WDR49: variants seen among roughly 807,000 people sequenced by gnomAD.
WDR49 encodes the protein cilia- and flagella-associated protein 337.
A neutral mutation model predicts 119.5 loss-of-function variants in WDR49; 107 were observed. The observed-to-expected ratio is 0.90, with a 90% CI of 0.77 to 1.05. The LOEUF is 1.05. Ranked by LOEUF, WDR49 falls within the 50% of genes least tolerant of loss-of-function variation. The probability of loss-of-function intolerance (pLI) is 0.00; values close to 1 mark genes in which losing one functional copy is unlikely to be tolerated. For missense variants in WDR49, 1,240 were observed against 1,220.5 expected (o/e 1.02, Z -0.24); for synonymous variants, 425 against 418.8 (o/e 1.01, Z -0.18).
intron 18 of WDR49, among the ~76,000 whole-genome samples, chr3:167,499,736 A>C (rs547832198): frequency 4.0e-4 from 61 of 152,352 alleles, no homozygotes; most frequent in African/African-American, 1.4e-3. Context: ...TTAAGACAAT[A>C]CATTTTAAGT....
At chr3:167,612,335 A>C (rs1250972279) in intron 5 of WDR49, among the ~76,000 whole-genome samples, 3 of 152,028 alleles carry the variant, frequency 2.0e-5, no homozygotes, top group African/African-American at 7.2e-5. Flanking sequence ...AGCAGTACTA[A>C]GAGGGAAGTT....
chr3:167,601,599 A>G (rs1011199990), intron 7 of WDR49, among the ~76,000 whole-genome samples: 2 of 151,862 alleles, frequency 1.3e-5, no homozygotes, highest in African/African-American at 4.8e-5. Flanking sequence ...CTACGGCTCT[A>G]GTGCCATATT....
At position 167,627,140 on chromosome 3, in the gene WDR49, C is replaced by T; in HGVS notation, c.318G>A (p.Leu106=). The change falls in exon 3 of 19, where the codon CTG becomes CTA. Residue 106 remains leucine, a synonymous_variant. Coordinates refer to ENST00000682715, the MANE Select transcript of WDR49 (RefSeq NM_001366157.1). ...AAAGCTCTAGCAGTATAAATGAAGT[C>T]AGCTTGTCCCAATTAATGAAGCCAT... ...AQDGFINWDK[L]TSFILLELYE... 1 of 1,262,216 alleles carries T rather than the reference C, an allele frequency of 7.9e-7. No homozygotes were observed. The highest frequency in any genetic ancestry group is 1.0e-6 in the Non-Finnish European group (1 of 1,004,110). 78.2% of individuals were successfully genotyped at this position (1,262,216 alleles called of 1,614,324 possible). A position where few individuals can be genotyped will look rare whatever the true frequency, so the allele number is the denominator to read the frequency against.
At chr3:167,640,432 C>T (rs1042424966) in intron 2 of WDR49, among the ~76,000 whole-genome samples, 5 of 151,926 alleles carry the variant, frequency 3.3e-5, no homozygotes, top group African/African-American at 1.2e-4. Context: ...CATGTTCTCA[C>T]ATTGTCTCAA....
chr3:167,621,509 A>C lies in WDR49; in HGVS notation c.741T>G (p.Asp247Glu), dbSNP rs199768118. The change falls in exon 4 of 19, where the codon GAT becomes GAG. Residue 247 changes from aspartate to glutamate, a missense_variant. By Grantham distance (45) the Asp-to-Glu change is conservative. Transcript: ENST00000682715. ...CAAAAGAAAGAATTGATTCATTGGCATCAAGAGGATCATACCAATAATCCA... is the reference window on the plus strand; with the variant it reads ...CAAAAGAAAGAATTGATTCATTGGCCTCAAGAGGATCATACCAATAATCCA... The part of the protein sequence containing the change: ...ICMDYWYDPL[D>E]ANESILSFGD... 11,116 of 1,535,054 alleles carry C rather than the reference A, an allele frequency of 7.2e-3. 69 individuals carry two copies. The highest frequency in any genetic ancestry group is 8.3e-3 in the Non-Finnish European group (9,478 of 1,146,230).
At chr3:167,546,323 C>T (rs1712199560) in intron 10 of WDR49, among the ~76,000 whole-genome samples, 1 of 151,926 alleles carries the variant, frequency 6.6e-6, no homozygotes, top group Admixed American at 6.6e-5. Context: ...ACTTTCCCCT[C>T]AAAACCTAAC....
intron 5 of WDR49, among the ~76,000 whole-genome samples, chr3:167,609,284 A>C (rs1235478765): frequency 6.6e-6 from 1 of 152,202 alleles, no homozygotes; most frequent in Non-Finnish European, 1.5e-5. Context: ...TGAAAGAGGC[A>C]CTGAAGAGAT....
chr3:167,507,200 G>A (rs1751803146), intron 16 of WDR49, among the ~76,000 whole-genome samples: 1 of 152,080 alleles, frequency 6.6e-6, no homozygotes, highest in Non-Finnish European at 1.5e-5. Flanking sequence ...CCTTGAATCA[G>A]GAGAGTATTA....
At chr3:167,527,701 T>C in intron 15 of WDR49, 119 bp downstream of exon 15, 1 of 1,060,212 alleles carries the variant, frequency 9.4e-7, no homozygotes. Context: ...TCGGAAATGT[T>C]GTCAGTTCTT....
chr3:167,649,882 C>T (rs1329995283), intron 2 of WDR49, among the ~76,000 whole-genome samples: 1 of 152,186 alleles, frequency 6.6e-6, no homozygotes, highest in African/African-American at 2.4e-5. Flanking sequence ...TCTCAGCTTA[C>T]AGTCAGGCCA....
chr3:167,531,895 T>C (rs1004703026), intron 12 of WDR49, among the ~76,000 whole-genome samples: 3 of 152,124 alleles, frequency 2.0e-5, no homozygotes, highest in African/African-American at 4.8e-5. Context: ...AGAAATCTAT[T>C]GCAATGCCTT....
chr3:167,553,527 CTTGAA>C (rs1712704836), intron 10 of WDR49, among the ~76,000 whole-genome samples: 1 of 152,022 alleles, frequency 6.6e-6, no homozygotes, highest in South Asian at 2.1e-4. Context: ...CAAGTTTTGA[CTTGAA>C]TTGATTATTT....
Position 167,632,095 on chromosome 3 carries a change from G to A in WDR49, c.166-4803C>T, listed in dbSNP as rs144663708. Among the ~76,000 whole-genome samples, 538 of 152,046 alleles carry A rather than the reference G, an allele frequency of 3.5e-3. 2 individuals carry two copies. Among genetic ancestry groups the A allele is most frequent in the African/African-American group, 0.013 (521 of 41,500 alleles). On this transcript the variant is annotated intron_variant, in intron 2 of 18. Coordinates refer to ENST00000682715, the MANE Select transcript of WDR49 (RefSeq NM_001366157.1). ...ACTGCAAACTATTTCTGAAAACTAA[G>A]GCAATGTTGATTTTTATTTTAAACT...
intron 7 of WDR49, among the ~76,000 whole-genome samples, chr3:167,590,529 C>A (rs1352973788): frequency 1.3e-5 from 2 of 151,952 alleles, no homozygotes; most frequent in Non-Finnish European, 2.9e-5. Flanking sequence ...GCCCTTGGGT[C>A]CTGGGCTTTT....
Position 167,549,524 on chromosome 3 carries a change from G to A in WDR49, c.1823+5126C>T, listed in dbSNP as rs373963724. Reference sequence around the variant, plus strand: ...AAGTGTCTATTCATATCCTTCACCCGCTTTTTCCTGGGGTTATTTGATTTT... The same window carrying A: ...AAGTGTCTATTCATATCCTTCACCCACTTTTTCCTGGGGTTATTTGATTTT... On this transcript the variant is annotated intron_variant, in intron 10 of 18. Transcript: ENST00000682715. 7.6e-4 allele frequency among the ~76,000 whole-genome samples: 115 copies of A among 151,880 alleles called. 1 individual carries two copies. The East Asian group carries it at 0.015, about 20-fold the overall frequency.
intron 14 of WDR49, 100 bp downstream of exon 14, chr3:167,528,952 T>C: frequency 2.2e-6 from 2 of 919,152 alleles, no homozygotes; most frequent in East Asian, 5.7e-5. Flanking sequence ...TATACATTTT[T>C]TCCTTTGTTT....
At chr3:167,606,866 A>G (rs1444479467) in intron 5 of WDR49, among the ~76,000 whole-genome samples, 2 of 152,230 alleles carry the variant, frequency 1.3e-5, no homozygotes, top group East Asian at 3.8e-4. Flanking sequence ...ACAAGAGAAA[A>G]GCACAAAAAA....
chr3:167,542,015 C>G (rs1271712097), intron 10 of WDR49, among the ~76,000 whole-genome samples: 2 of 151,546 alleles, frequency 1.3e-5, no homozygotes, highest in African/African-American at 4.9e-5. Context: ...CAGAGTGTGA[C>G]CCCATGTCAA....
Position 167,508,907 on chromosome 3 carries a change from T to C in WDR49, c.2775-3491A>G, listed in dbSNP as rs914167721. ...TATTTATCTATTTTCTAATTTAATT[T>C]CTCACATGAAATCTACTGACAGAAT... On this transcript the variant is annotated intron_variant, in intron 16 of 18. Transcript: ENST00000682715. 3.9e-5 allele frequency among the ~76,000 whole-genome samples: 6 copies of C among 152,216 alleles called. No individual in the cohort carries two copies. The East Asian group carries it at 1.2e-3, about 29-fold the overall frequency.
Sources: allele counts gnomAD v4.1 joint callset (sites outside exome capture counted in the v4.1 genomes callset), GRCh38; gene constraint gnomAD v4.1.1; transcripts MANE v1.5; gene names NCBI Gene and HGNC (gene_info 2026-07-23, HGNC 2026-07-21).